The following ATOSA variants were observed in gnomAD, a reference collection of about 807,000 sequenced individuals.
ATOSA encodes the protein atos homolog protein A.
At chr15:52,618,455 T>C in the ATOSA span, among the ~76,000 whole-genome samples, 1 of 152,018 alleles carries the variant, frequency 6.6e-6, no homozygotes. Flanking sequence ...TATGCAAAAC[T>C]AACAGGTTAG....
At chr15:52,597,171 T>A in the ATOSA span, among the ~76,000 whole-genome samples, 1 of 4,850 alleles carries the variant, frequency 2.1e-4, no homozygotes, top group African/African-American at 7.0e-4. Flanking sequence ...TTCTGTTCTA[T>A]TCTATTCTAT....
At chr15:52,661,289 C>A in the ATOSA span, among the ~76,000 whole-genome samples, 1 of 152,178 alleles carries the variant, frequency 6.6e-6, no homozygotes, top group African/African-American at 2.4e-5. Flanking sequence ...AATCACCTAG[C>A]CTGTTTCTTT....
chr15:52,699,520 G>C, the ATOSA span, among the ~76,000 whole-genome samples: 2 of 151,670 alleles, frequency 1.3e-5, no homozygotes, highest in African/African-American at 4.8e-5. Context: ...CTGGTACAGA[G>C]TAAGTCTTCT....
the ATOSA span, among the ~76,000 whole-genome samples, chr15:52,676,341 T>C: frequency 6.6e-6 from 1 of 152,192 alleles, no homozygotes; most frequent in African/African-American, 2.4e-5. Context: ...ACCCATTAAT[T>C]GGTGAAGAAA....
the ATOSA span, among the ~76,000 whole-genome samples, chr15:52,660,682 GCTT>G: frequency 6.6e-6 from 1 of 152,020 alleles, no homozygotes; most frequent in South Asian, 2.1e-4. Context: ...ACAGAGTTTC[GCTT>G]TTTTTGCCTA....
the ATOSA span, among the ~76,000 whole-genome samples, chr15:52,606,098 G>C: frequency 6.6e-6 from 1 of 151,932 alleles, no homozygotes; most frequent in African/African-American, 2.4e-5. Flanking sequence ...CCATGGAAAG[G>C]AAACCGTGGA....
At chr15:52,659,861 TA>T in the ATOSA span, among the ~76,000 whole-genome samples, 1 of 151,722 alleles carries the variant, frequency 6.6e-6, no homozygotes, top group African/African-American at 2.4e-5. Flanking sequence ...AAATATATAT[TA>T]AAAAAATAAA....
the ATOSA span, among the ~76,000 whole-genome samples, chr15:52,644,045 A>G: frequency 6.6e-6 from 1 of 151,978 alleles, no homozygotes; most frequent in Non-Finnish European, 1.5e-5. Context: ...TATATCTGTT[A>G]AGTTTATTCA....
the ATOSA span, among the ~76,000 whole-genome samples, chr15:52,667,657 T>C: frequency 1.3e-5 from 2 of 152,192 alleles, no homozygotes; most frequent in African/African-American, 4.8e-5. Context: ...AGTAACCAAC[T>C]AGGTGAAGAG....
chr15:52,603,370 C>T, the ATOSA span, among the ~76,000 whole-genome samples: 1 of 152,102 alleles, frequency 6.6e-6, no homozygotes, highest in African/African-American at 2.4e-5. Flanking sequence ...CCCTCATACA[C>T]TGTTAGTGGG....
chr15:52,602,171 A>C, the ATOSA span, among the ~76,000 whole-genome samples: 6 of 152,256 alleles, frequency 3.9e-5, no homozygotes, highest in South Asian at 1.0e-3. Flanking sequence ...TCACTCACAA[A>C]ATCTCTATTG....
At chr15:52,699,385 A>T in the ATOSA span, among the ~76,000 whole-genome samples, 2,189 of 152,080 alleles carry the variant, frequency 0.014, 55 homozygotes, top group African/African-American at 0.051. Flanking sequence ...ACATCCTTGT[A>T]AAGTATATAT....
chr15:52,590,648 A>G, the ATOSA span: 1 of 152,358 alleles, frequency 6.6e-6, no homozygotes, highest in Admixed American at 6.5e-5. Context: ...TAGTCTTACC[A>G]AAACATAATC....
chr15:52,609,421 G>A, the ATOSA span: 1 of 1,613,684 alleles, frequency 6.2e-7, no homozygotes, highest in Non-Finnish European at 8.5e-7. Context: ...TGATGCTGTT[G>A]GATCAATGTG....
the ATOSA span, among the ~76,000 whole-genome samples, chr15:52,647,112 T>C: frequency 1.3e-5 from 2 of 152,212 alleles, no homozygotes; most frequent in African/African-American, 4.8e-5. Flanking sequence ...TTAATATTAC[T>C]GGACTCAATG....
At chr15:52,687,428 T>G in the ATOSA span, among the ~76,000 whole-genome samples, 1 of 151,914 alleles carries the variant, frequency 6.6e-6, no homozygotes, top group Non-Finnish European at 1.5e-5. Flanking sequence ...ATAAATAAAT[T>G]GCAATTTGGT....
chr15:52,617,371 T>A, the ATOSA span, among the ~76,000 whole-genome samples: 1 of 152,176 alleles, frequency 6.6e-6, no homozygotes, highest in Non-Finnish European at 1.5e-5. Flanking sequence ...CTGAACATGC[T>A]GGCCCCTTGA....
At chr15:52,694,919 T>C in the ATOSA span, among the ~76,000 whole-genome samples, 2 of 148,846 alleles carry the variant, frequency 1.3e-5, no homozygotes, top group South Asian at 4.2e-4. Flanking sequence ...TTTTTTTTTC[T>C]GTTTTTTTTT....
At chr15:52,670,222 A>T in the ATOSA span, among the ~76,000 whole-genome samples, 1 of 152,328 alleles carries the variant, frequency 6.6e-6, no homozygotes, top group African/African-American at 2.4e-5. Flanking sequence ...TTCAAAACGG[A>T]GTTCTGAAAC....
Sources: allele counts gnomAD v4.1 joint callset (sites outside exome capture counted in the v4.1 genomes callset), GRCh38; gene constraint gnomAD v4.1.1; transcripts MANE v1.5; gene names NCBI Gene and HGNC (gene_info 2026-07-23, HGNC 2026-07-21).